The following YY1 variants were observed in gnomAD, a reference collection of about 807,000 sequenced individuals.
YY1 encodes YY1 transcription factor.
In YY1, 2 loss-of-function variants were observed where a neutral mutation model predicts 35.6. That is an observed-to-expected ratio of 0.06 (90% confidence interval 0.02 to 0.18). The LOEUF (loss-of-function observed/expected upper bound fraction) is 0.18. Ranked by LOEUF, YY1 falls within the 10% of genes least tolerant of loss-of-function variation. The probability of loss-of-function intolerance (pLI) is 1.00; values close to 1 mark genes in which losing one functional copy is unlikely to be tolerated. For synonymous variants in YY1, 268 were observed against 238.9 expected (o/e 1.12, Z -1.12); for missense variants, 322 against 573.4 (o/e 0.56, Z 4.48).
At chr14:100,260,403 T>C (rs1891064309) in intron 1 of YY1, among the ~76,000 whole-genome samples, 1 of 150,936 alleles carries the variant, frequency 6.6e-6, no homozygotes, top group Non-Finnish European at 1.5e-5. Flanking sequence ...GGAAATGAAT[T>C]ATATGGGGTC....
At chr14:100,256,002 T>A (rs1005873949) in intron 1 of YY1, among the ~76,000 whole-genome samples, 1 of 152,182 alleles carries the variant, frequency 6.6e-6, no homozygotes, top group Non-Finnish European at 1.5e-5. Flanking sequence ...TCAGGCATGG[T>A]ATTGTGGGCC....
intron 1 of YY1, among the ~76,000 whole-genome samples, chr14:100,249,188 C>T (rs1205444716): frequency 1.5e-5 from 2 of 135,468 alleles, no homozygotes; most frequent in Non-Finnish European, 3.1e-5. Context: ...GGCACGATCT[C>T]GGCTCACCTG....
At chr14:100,261,088 C>T (rs553526149) in intron 1 of YY1, among the ~76,000 whole-genome samples, 1 of 151,936 alleles carries the variant, frequency 6.6e-6, no homozygotes, top group African/African-American at 2.4e-5. Flanking sequence ...TGAGCCACTG[C>T]ACCTGGCCTA....
At chr14:100,266,180 C>G in intron 2 of YY1, among the ~76,000 whole-genome samples, 1 of 152,048 alleles carries the variant, frequency 6.6e-6, no homozygotes, top group Non-Finnish European at 1.5e-5. Context: ...CCCCCCGGGT[C>G]CCACCTACAA....
chr14:100,256,251 G>A (rs1330858713), intron 1 of YY1, among the ~76,000 whole-genome samples: 1 of 152,152 alleles, frequency 6.6e-6, no homozygotes, highest in Non-Finnish European at 1.5e-5. Context: ...CCTTTTTGAG[G>A]TCTGCCCATT....
chr14:100,265,825 T>G (rs1192495067), intron 2 of YY1, among the ~76,000 whole-genome samples: 6 of 151,954 alleles, frequency 3.9e-5, no homozygotes, highest in Non-Finnish European at 7.4e-5. Context: ...ATTTTTGTAT[T>G]TTTCATAGAG....
intron 2 of YY1, among the ~76,000 whole-genome samples, chr14:100,267,286 A>G (rs1221438587): frequency 6.6e-6 from 1 of 152,198 alleles, no homozygotes; most frequent in Non-Finnish European, 1.5e-5. Context: ...CCTATGTTGT[A>G]TACTTGTAGA....
At position 100,239,651 on chromosome 14, in the gene YY1, C is replaced by A. The variant is rs756772698; in HGVS notation, c.407C>A (p.Pro136His). The A allele has an allele frequency of 5.0e-6, 8 of 1,610,120 alleles. No homozygotes were observed. The African/African-American group carries it at 1.1e-4, about 22-fold the overall frequency. The change falls in exon 1 of 5, where the codon CCC becomes CAC. Residue 136 changes from proline (P) to histidine (H), a missense_variant. By Grantham distance (77) the Pro-to-His change is moderately conservative. Coordinates refer to ENST00000262238, the MANE Select transcript of YY1 (RefSeq NM_003403.5). ...GAGGATCAGATTCTCATCCCGGTGC[C>A]CGCGCCGGCCGGCGGCGACGACGAC... The part of the protein sequence containing the change: ...GFEDQILIPV[P>H]APAGGDDDYI...
In YY1 at chr14:100,276,430, G is replaced by C. The variant is rs770772664; in HGVS notation, c.904-60G>C. 2 of 1,611,530 alleles carry C rather than the reference G, an allele frequency of 1.2e-6. No homozygotes were observed. The highest frequency in any genetic ancestry group is 1.7e-6 in the Non-Finnish European group (2 of 1,177,872). On this transcript the variant is annotated intron_variant, in intron 3 of 4. Transcript: ENST00000262238. This position sits in a 1 kb window ranked among gnomAD's most constrained non-coding sequence, Gnocchi z 4.1. ...AATATGTCAGTAAAGGCTGTTAAAT[G>C]GTTGAATCCTTTCTAACAGTTTGCA...
chr14:100,260,467 GTA>G (rs1891067481), intron 1 of YY1, among the ~76,000 whole-genome samples: 1 of 85,674 alleles, frequency 1.2e-5, no homozygotes, highest in African/African-American at 5.7e-5. Context: ...ACACATATAT[GTA>G]TTTTTTTTTT....
At chr14:100,268,274 A>G (rs1418156992) in intron 2 of YY1, among the ~76,000 whole-genome samples, 1 of 152,240 alleles carries the variant, frequency 6.6e-6, no homozygotes, top group African/African-American at 2.4e-5. Context: ...TAGACTGCCT[A>G]GTAAATCAGT....
intron 1 of YY1, among the ~76,000 whole-genome samples, chr14:100,244,260 T>G (rs1890795464): frequency 6.6e-6 from 1 of 151,848 alleles, no homozygotes; most frequent in African/African-American, 2.4e-5. Context: ...ATCTAATAGT[T>G]TTTTAGTAGT....
intron 2 of YY1, among the ~76,000 whole-genome samples, chr14:100,273,798 C>T (rs1459043939): frequency 6.6e-6 from 1 of 152,050 alleles, no homozygotes; most frequent in Non-Finnish European, 1.5e-5. Flanking sequence ...TTTCTCACCC[C>T]CCTACCACAC....
At chr14:100,257,594 A>G (rs985910045) in intron 1 of YY1, among the ~76,000 whole-genome samples, 1 of 150,700 alleles carries the variant, frequency 6.6e-6, no homozygotes, top group African/African-American at 2.5e-5. Context: ...CCAGAGTGCT[A>G]GCCCTCTGGT....
At chr14:100,261,928 C>T (rs766224476) in intron 1 of YY1, among the ~76,000 whole-genome samples, 2 of 151,990 alleles carry the variant, frequency 1.3e-5, no homozygotes, top group Non-Finnish European at 2.9e-5. Flanking sequence ...GCAGGAGGAT[C>T]GCTTGAGTGC....
chr14:100,242,560 T>G (rs1890766707), intron 1 of YY1, among the ~76,000 whole-genome samples: 2 of 151,534 alleles, frequency 1.3e-5, no homozygotes, highest in East Asian at 3.9e-4. Context: ...GGCTAATTTT[T>G]TGTGTTTTTA....
intron 1 of YY1, among the ~76,000 whole-genome samples, chr14:100,260,737 C>G (rs1240752846): frequency 1.5e-5 from 2 of 136,682 alleles, no homozygotes; most frequent in African/African-American, 5.5e-5. Flanking sequence ...TCCCAAAGTG[C>G]TGGGATTACA....
intron 3 of YY1, 44 bp downstream of exon 3, chr14:100,274,802 A>T: frequency 6.4e-7 from 1 of 1,565,298 alleles, no homozygotes; most frequent in Non-Finnish European, 8.8e-7. Flanking sequence ...CTGTTGATGA[A>T]GTTTTAGAGA....
chr14:100,262,323 C>T lies in YY1; in HGVS notation c.699C>T (p.Asp233=), dbSNP rs772498670. The T allele has an allele frequency of 6.2e-7, 1 of 1,613,852 alleles. No individual in the cohort carries two copies. The highest frequency in any genetic ancestry group is 8.5e-7 in the Non-Finnish European group (1 of 1,180,004). The stretch of plus-strand genomic sequence containing the variant: ...TTTCAGATGAAAAAAAAGATATTGA[C>T]CATGAGACAGTGGTTGAAGAACAGA... ...MWSSDEKKDI[D]HETVVEEQII... is the part of the protein sequence containing the mutation. The change falls in exon 2 of 5, where the codon GAC becomes GAT. Residue 233 remains aspartate, a synonymous_variant. Coordinates refer to ENST00000262238, the MANE Select transcript of YY1 (RefSeq NM_003403.5).
Sources: gnomAD v4.1 joint callset for allele counts (sites outside exome capture counted in the v4.1 genomes callset) on GRCh38, gnomAD v4.1.1 for gene constraint, Gnocchi (gnomAD v3.1) non-coding constraint, MANE v1.5 for transcripts, NCBI Gene and HGNC (gene_info 2026-07-23, HGNC 2026-07-21) for gene names.